Variants in ZNF385B observed in about 807,000 individuals in gnomAD.
ZNF385B encodes zinc finger protein 533.
Under a neutral mutation model 39.2 loss-of-function variants are expected in ZNF385B, and 23 were observed. The ratio of observed to expected loss-of-function variants is 0.59; its 90% CI spans 0.42 to 0.83. The LOEUF is 0.83. Ranked by LOEUF, ZNF385B falls within the 40% of genes least tolerant of loss-of-function variation. The pLI, the probability that ZNF385B is intolerant of heterozygous loss-of-function variation, is 0.00. For missense variants in ZNF385B, 552 were observed against 598.9 expected, an observed-to-expected ratio of 0.92 and a Z score of 0.82; for synonymous variants, 205 against 222.6, an observed-to-expected ratio of 0.92 and a Z score of 0.70.
intron 1 of ZNF385B, among the ~76,000 whole-genome samples, chr2:179,855,143 T>A (rs1434225853): frequency 1.3e-5 from 2 of 152,184 alleles, no homozygotes; most frequent in Admixed American, 1.3e-4. Flanking sequence ...TTTATGTCCA[T>A]TTATCTAATC....
chr2:179,678,031 C>G (rs1575201425), intron 3 of ZNF385B, among the ~76,000 whole-genome samples: 1 of 151,438 alleles, frequency 6.6e-6, no homozygotes, highest in African/African-American at 2.4e-5. Context: ...TTTTTTCTAT[C>G]AAGGGGCCAC....
intron 3 of ZNF385B, among the ~76,000 whole-genome samples, chr2:179,685,610 A>G (rs555623017): frequency 6.0e-4 from 91 of 152,124 alleles, no homozygotes; most frequent in Non-Finnish European, 1.2e-3. Context: ...TATCATCCTG[A>G]CTGTACAGAC....
At chr2:179,803,386 T>A (rs1046006806) in intron 1 of ZNF385B, among the ~76,000 whole-genome samples, 1 of 152,282 alleles carries the variant, frequency 6.6e-6, no homozygotes, top group East Asian at 1.9e-4. Context: ...AATAAACTGC[T>A]GAGACCATTT....
At chr2:179,704,056 C>A (rs1332473760) in intron 3 of ZNF385B, among the ~76,000 whole-genome samples, 1 of 152,078 alleles carries the variant, frequency 6.6e-6, no homozygotes, top group Non-Finnish European at 1.5e-5. Context: ...ATGACATGAT[C>A]AGATTTTTGT....
At chr2:179,770,356 T>G (rs560762281) in intron 2 of ZNF385B, among the ~76,000 whole-genome samples, 165 bp downstream of exon 2, 1 of 152,298 alleles carries the variant, frequency 6.6e-6, no homozygotes, top group South Asian at 2.1e-4. Flanking sequence ...CAAATTTTAT[T>G]GAAGAAAGGA....
intron 1 of ZNF385B, among the ~76,000 whole-genome samples, chr2:179,794,616 A>T (rs1285167416): frequency 1.3e-5 from 2 of 152,160 alleles, no homozygotes; most frequent in Non-Finnish European, 2.9e-5. Flanking sequence ...ATTTCTCTAG[A>T]TTTGATTTGG....
In ZNF385B at chr2:179,770,656, G is replaced by A. The variant is rs914568634; in HGVS notation, c.-138C>T. The A allele has an allele frequency of 1.3e-5, 2 of 152,142 alleles. No homozygotes were observed. The highest frequency in any genetic ancestry group is 2.9e-5 in the Non-Finnish European group (2 of 68,026). 9.4% of individuals were successfully genotyped at this position (152,142 alleles called of 1,614,324 possible). A position where few individuals can be genotyped will look rare whatever the true frequency, so the allele number is the denominator to read the frequency against. On this transcript the variant is annotated 5_prime_UTR_variant, in exon 2 of 10. Coordinates refer to ENST00000410066, the MANE Select transcript of ZNF385B (RefSeq NM_152520.6). ...AAACATCAATTTAATATTTGATGGA[G>A]TTGAAATGTAGAACATCTGAAATAC...
chr2:179,529,556 T>G (rs373175672), intron 4 of ZNF385B, among the ~76,000 whole-genome samples: 1 of 152,014 alleles, frequency 6.6e-6, no homozygotes, highest in Non-Finnish European at 1.5e-5. Context: ...TTGAAAAAAA[T>G]ATGAGAAAAT....
intron 6 of ZNF385B, among the ~76,000 whole-genome samples, chr2:179,471,084 A>C (rs1559286068): frequency 6.6e-6 from 1 of 152,156 alleles, no homozygotes; most frequent in Non-Finnish European, 1.5e-5. Context: ...TGGTTCCTCA[A>C]GGGGGCTTAG....
chr2:179,522,902 C>T (rs1559399579), intron 4 of ZNF385B: 2 of 451,456 alleles, frequency 4.4e-6, no homozygotes, highest in Admixed American at 2.5e-5. Flanking sequence ...TTATTGGTCT[C>T]AAATAAGCCT....
At chr2:179,443,677 T>C (rs1400350326) in intron 9 of ZNF385B, among the ~76,000 whole-genome samples, 1 of 152,262 alleles carries the variant, frequency 6.6e-6, no homozygotes, top group Non-Finnish European at 1.5e-5. Flanking sequence ...TCTTTGCTCC[T>C]GTGTGCTAGG....
chr2:179,642,066 A>G (rs1363325236), intron 3 of ZNF385B, among the ~76,000 whole-genome samples: 4 of 150,026 alleles, frequency 2.7e-5, no homozygotes, highest in Non-Finnish European at 5.9e-5. Flanking sequence ...CGACTGATTT[A>G]GAATGAAATT....
At chr2:179,638,533 C>A (rs1365052565) in intron 3 of ZNF385B, among the ~76,000 whole-genome samples, 2 of 151,998 alleles carry the variant, frequency 1.3e-5, no homozygotes, top group Non-Finnish European at 2.9e-5. Flanking sequence ...AATGGAAATG[C>A]AAATATGAAA....
At chr2:179,725,812 C>T (rs1270352320) in intron 3 of ZNF385B, among the ~76,000 whole-genome samples, 1 of 150,078 alleles carries the variant, frequency 6.7e-6, no homozygotes, top group African/African-American at 2.4e-5. Context: ...AATATATGAA[C>T]CTATATAGAT....
chr2:179,512,616 G>A (rs2057765810), intron 5 of ZNF385B, among the ~76,000 whole-genome samples: 1 of 152,160 alleles, frequency 6.6e-6, no homozygotes, highest in Non-Finnish European at 1.5e-5. Flanking sequence ...TACTGCAGTT[G>A]CAGTATACTC....
intron 1 of ZNF385B, among the ~76,000 whole-genome samples, chr2:179,799,464 A>C (rs914211054): frequency 2.6e-5 from 4 of 152,078 alleles, no homozygotes; most frequent in Non-Finnish European, 4.4e-5. Context: ...CCATTGATTA[A>C]AATGTTGAAA....
At chr2:179,686,350 G>A (rs759026744) in intron 3 of ZNF385B, among the ~76,000 whole-genome samples, 1 of 152,102 alleles carries the variant, frequency 6.6e-6, no homozygotes, top group Non-Finnish European at 1.5e-5. Flanking sequence ...AGCACTCCAT[G>A]CTCTCTATAT....
At chr2:179,750,915 T>C (rs564050107) in intron 3 of ZNF385B, among the ~76,000 whole-genome samples, 15 of 152,076 alleles carry the variant, frequency 9.9e-5, no homozygotes, top group South Asian at 8.3e-4. Flanking sequence ...AAAAATTAAG[T>C]GAAAGCAAGC....
At chr2:179,702,714 T>C (rs1205646380) in intron 3 of ZNF385B, among the ~76,000 whole-genome samples, 1 of 152,208 alleles carries the variant, frequency 6.6e-6, no homozygotes, top group Non-Finnish European at 1.5e-5. Flanking sequence ...AACAGAGTTC[T>C]TTATGGGACA....
Sources: gnomAD v4.1 joint callset for allele counts (sites outside exome capture counted in the v4.1 genomes callset) on GRCh38, gnomAD v4.1.1 for gene constraint, MANE v1.5 for transcripts, NCBI Gene and HGNC (gene_info 2026-07-23, HGNC 2026-07-21) for gene names.